Variants in PDE4B observed in about 807,000 individuals in gnomAD.
PDE4B encodes the protein 3',5'-cyclic-AMP phosphodiesterase 4B.
Under a neutral mutation model 82.2 loss-of-function variants are expected in PDE4B, and 20 were observed. The observed-to-expected ratio is 0.24, with a 90% CI of 0.17 to 0.35. The LOEUF (loss-of-function observed/expected upper bound fraction) is 0.35, where lower values mean the gene tolerates loss of function less well. Among genes scored for constraint, PDE4B ranks in the 10% least tolerant of loss-of-function variants. The pLI is 1.00. For synonymous variants in PDE4B, 320 were observed against 318.9 expected, an observed-to-expected ratio of 1.00 and a Z score of -0.04; for missense variants, 655 against 907.2, an observed-to-expected ratio of 0.72 and a Z score of 3.57.
intron 1 of PDE4B, among the ~76,000 whole-genome samples, chr1:65,818,351 C>T (rs1645909292): frequency 6.6e-6 from 1 of 152,092 alleles, no homozygotes; most frequent in Non-Finnish European, 1.5e-5. Context: ...TCCTAGAGAG[C>T]TGTGATCTTT....
intron 1 of PDE4B, among the ~76,000 whole-genome samples, chr1:65,829,310 A>C (rs1212850327): frequency 6.6e-6 from 1 of 152,194 alleles, no homozygotes; most frequent in Non-Finnish European, 1.5e-5. Flanking sequence ...AAATACATGC[A>C]GCAAAACTAC....
At chr1:66,204,716 G>T (rs1350794856) in intron 3 of PDE4B, among the ~76,000 whole-genome samples, 3 of 152,226 alleles carry the variant, frequency 2.0e-5, no homozygotes, top group African/African-American at 7.2e-5. Context: ...ATTAGGGTGG[G>T]AGTGACCCGA....
chr1:65,878,648 G>A (rs1224232890), intron 1 of PDE4B, among the ~76,000 whole-genome samples: 1 of 152,040 alleles, frequency 6.6e-6, no homozygotes, highest in East Asian at 1.9e-4. Context: ...ACCAAACACT[G>A]CATGTTCTCA....
intron 3 of PDE4B, among the ~76,000 whole-genome samples, chr1:65,973,636 G>T (rs1213383103): frequency 6.6e-6 from 1 of 152,076 alleles, no homozygotes. Flanking sequence ...ACTGCAGGAA[G>T]GTATTGTGGG....
At chr1:66,013,022 A>C (rs1197925599) in intron 3 of PDE4B, among the ~76,000 whole-genome samples, 1 of 152,144 alleles carries the variant, frequency 6.6e-6, no homozygotes, top group Non-Finnish European at 1.5e-5. Flanking sequence ...TGGAAGAGCC[A>C]GAATTAAAAC....
chr1:66,089,874 C>A (rs1247829510), intron 3 of PDE4B, among the ~76,000 whole-genome samples: 2 of 152,018 alleles, frequency 1.3e-5, no homozygotes, highest in Non-Finnish European at 2.9e-5. Flanking sequence ...CTATCATGAT[C>A]TGATTGCCTG....
intron 3 of PDE4B, among the ~76,000 whole-genome samples, chr1:66,091,656 C>G (rs115225617): frequency 1.6e-3 from 246 of 152,028 alleles, no homozygotes; most frequent in African/African-American, 5.5e-3. Context: ...CATGAGAGGT[C>G]ATTTATTAAA....
chr1:65,820,227 C>T (rs1645937400), intron 1 of PDE4B, among the ~76,000 whole-genome samples: 1 of 152,098 alleles, frequency 6.6e-6, no homozygotes, highest in African/African-American at 2.4e-5. Context: ...GCTCATTCTC[C>T]ATTTTCTTAG....
At chr1:65,986,968 C>G (rs1650987395) in intron 3 of PDE4B, among the ~76,000 whole-genome samples, 1 of 152,098 alleles carries the variant, frequency 6.6e-6, no homozygotes. Flanking sequence ...AAAAAGGAAA[C>G]TTGAACAACA....
chr1:65,959,599 G>T (rs993902886), intron 3 of PDE4B, among the ~76,000 whole-genome samples: 4 of 152,052 alleles, frequency 2.6e-5, no homozygotes, highest in South Asian at 2.1e-4. Flanking sequence ...TTCTTTATTT[G>T]CTCTACTTAG....
chr1:66,094,116 A>G (rs1164361296), intron 3 of PDE4B, among the ~76,000 whole-genome samples: 1 of 152,080 alleles, frequency 6.6e-6, no homozygotes, highest in Non-Finnish European at 1.5e-5. Flanking sequence ...AAAGTGATCA[A>G]GTAAGGCCTC....
intron 8 of PDE4B, among the ~76,000 whole-genome samples, chr1:66,352,410 C>T (rs1661904278): frequency 6.6e-6 from 1 of 152,190 alleles, no homozygotes; most frequent in Non-Finnish European, 1.5e-5. Flanking sequence ...TTCAGCCCTG[C>T]AGCTGAGAGC....
chr1:65,811,729 G>A (rs1459305850), intron 1 of PDE4B, among the ~76,000 whole-genome samples: 3 of 152,054 alleles, frequency 2.0e-5, no homozygotes, highest in African/African-American at 7.2e-5. Context: ...GTACATGATA[G>A]CTACTAGTAA....
intron 3 of PDE4B, among the ~76,000 whole-genome samples, chr1:66,033,365 C>G (rs1421549705): frequency 6.6e-6 from 1 of 152,102 alleles, no homozygotes; most frequent in African/African-American, 2.4e-5. Flanking sequence ...TCCAAGCCAT[C>G]TTTCTTCTTA....
intron 3 of PDE4B, among the ~76,000 whole-genome samples, chr1:66,004,978 T>C (rs938092393): frequency 6.6e-6 from 1 of 152,034 alleles, no homozygotes; most frequent in African/African-American, 2.4e-5. Flanking sequence ...TTATATAACA[T>C]TTACAAATAT....
At chr1:66,363,330 A>G in intron 11 of PDE4B, 64 bp downstream of exon 11, 3 of 1,536,778 alleles carry the variant, frequency 2.0e-6, no homozygotes, top group Non-Finnish European at 2.7e-6. Flanking sequence ...TTTTTTTTCC[A>G]TCTTACTTTT....
chr1:65,844,882 A>G (rs1646251584), intron 1 of PDE4B, among the ~76,000 whole-genome samples: 1 of 152,144 alleles, frequency 6.6e-6, no homozygotes, highest in African/African-American at 2.4e-5. Flanking sequence ...AGGAATTCTG[A>G]GGTGTAAATG....
intron 7 of PDE4B, among the ~76,000 whole-genome samples, chr1:66,276,784 T>G (rs1655909086): frequency 6.6e-6 from 1 of 152,132 alleles, no homozygotes; most frequent in Non-Finnish European, 1.5e-5. Context: ...CATAAATAAA[T>G]TCATGACTAT....
At chr1:66,184,408 A>G (rs1647137393) in intron 3 of PDE4B, among the ~76,000 whole-genome samples, 1 of 152,188 alleles carries the variant, frequency 6.6e-6, no homozygotes, top group African/African-American at 2.4e-5. Flanking sequence ...GCAATCATAG[A>G]CAAACTCTCT....
Sources: allele counts gnomAD v4.1 joint callset (sites outside exome capture counted in the v4.1 genomes callset), GRCh38; gene constraint gnomAD v4.1.1; transcripts MANE v1.5; gene names NCBI Gene and HGNC (gene_info 2026-07-23, HGNC 2026-07-21).